EVI5L: variants seen among roughly 807,000 people sequenced by gnomAD.
EVI5L encodes ecotropic viral integration site 5 like.
In EVI5L, 30 loss-of-function variants were observed where a neutral mutation model predicts 106.1. The ratio of observed to expected loss-of-function variants is 0.28; its 90% confidence interval spans 0.21 to 0.38. The LOEUF is 0.38. Among genes scored for constraint, EVI5L ranks in the 10% least tolerant of loss-of-function variants. The pLI, the probability that EVI5L is intolerant of heterozygous loss-of-function variation, is 1.00. For missense variants in EVI5L, 809 were observed against 1,098.0 expected (o/e 0.74, Z 3.72); for synonymous variants, 489 against 483.3 (o/e 1.01, Z -0.15).
In EVI5L at chr19:7,847,793, T is replaced by C. The variant is rs1245003343; in HGVS notation, c.199T>C (p.Ser67Pro). 6.2e-7 allele frequency: 1 copy of C among 1,613,150 alleles called. No individual in the cohort carries two copies. The highest frequency in any genetic ancestry group is 8.5e-7 in the Non-Finnish European group (1 of 1,179,792). ...GAATGGCTCGCGGCGGAACAGTGGC[T>C]CCTCGCTAGTGTCCAGCTCCTCGGC... ...SMNGSRRNSG[S>P]SLVSSSSASS... is the part of the protein sequence containing the mutation. The change falls in exon 3 of 20, where the codon TCC (serine) becomes CCC (proline). Residue 67 changes from serine (S) to proline (P), a missense_variant. By Grantham distance (74) the Ser-to-Pro change is moderately conservative. This residue lies in a region of EVI5L where 357 missense variants were observed against 588.1 expected (regional missense o/e 0.61). Coordinates refer to ENST00000538904, the MANE Select transcript of EVI5L (RefSeq NM_001159944.3).
Position 7,858,449 on chromosome 19 carries a change from C to A in EVI5L, c.1374+118C>A. ...CGCCTCAGCACCTGGCCCTCCTGTTCCTTTCTGGGGTAAGGGGAACCCAGA... is the reference window on the plus strand; with the variant it reads ...CGCCTCAGCACCTGGCCCTCCTGTTACTTTCTGGGGTAAGGGGAACCCAGA... On this transcript the variant is annotated intron_variant, in intron 13 of 19. Coordinates refer to ENST00000538904, the MANE Select transcript of EVI5L (RefSeq NM_001159944.3). This position sits in a 1 kb window ranked among gnomAD's most constrained non-coding sequence, Gnocchi z 5.7. The A allele has an allele frequency of 7.5e-7, 1 of 1,328,110 alleles. No homozygotes were observed. The highest frequency in any genetic ancestry group is 1.0e-6 in the Non-Finnish European group (1 of 1,000,842). The allele number at this position is 1,328,110 out of a possible 1,614,324, so 82.3% of individuals were successfully genotyped here.
chr19:7,832,281 A>C (rs1313652359), intron 1 of EVI5L, among the ~76,000 whole-genome samples: 2 of 152,226 alleles, frequency 1.3e-5, no homozygotes, highest in African/African-American at 4.8e-5. Flanking sequence ...CACTGTGGCC[A>C]GGACTGCAGG....
chr19:7,850,019 G>C lies in EVI5L; in HGVS notation c.650G>C (p.Cys217Ser), dbSNP rs1408141755. The C allele has an allele frequency of 1.2e-6, 2 of 1,601,268 alleles. No individual in the cohort carries two copies. Among genetic ancestry groups the C allele is most frequent in the Non-Finnish European group, 1.7e-6 (2 of 1,174,180 alleles). Residue 217 changes from cysteine (C) to serine (S), a missense_variant, in exon 6 of 20, where the codon TGT (cysteine) becomes TCT (serine). Physicochemically the swap from Cys to Ser is moderately radical, Grantham distance 112. Transcript: ENST00000538904. This position sits in a 1 kb window ranked among gnomAD's most constrained non-coding sequence, Gnocchi z 5.4. Reference protein sequence around the residue: ...LMQMPEEEAFCVFVRLMQEYR... With the variant: ...LMQMPEEEAFSVFVRLMQEYR... ...TAGATGCCTGAGGAGGAGGCCTTCT[G>C]TGTGTTCGTGCGGCTGATGCAGGAG...
chr19:7,838,540 G>A (rs1978452008), intron 1 of EVI5L, among the ~76,000 whole-genome samples: 1 of 152,164 alleles, frequency 6.6e-6, no homozygotes, highest in African/African-American at 2.4e-5. Context: ...TGTTGACCTT[G>A]ATCACCTGCC....
intron 17 of EVI5L, 131 bp from the exon 18 acceptor site, chr19:7,862,829 TCCCGCCCCTGCC>T: frequency 1.5e-5 from 4 of 258,076 alleles, no homozygotes; most frequent in Non-Finnish European, 2.5e-5. Context: ...TTGCCCGCGG[TCCCGCCCCTGCC>T]CGCGGTCCTG....
chr19:7,845,444 G>A lies in EVI5L; in HGVS notation c.-47-1052G>A, dbSNP rs1238088044. ...GCAGAACCCAGGAGCCCTGGCTCCAGGATGGACAGTGATAGCCGATGTCCG... is the reference window on the plus strand; with the variant it reads ...GCAGAACCCAGGAGCCCTGGCTCCAAGATGGACAGTGATAGCCGATGTCCG... On this transcript the variant is annotated intron_variant, in intron 1 of 19. Coordinates refer to ENST00000538904, the MANE Select transcript of EVI5L (RefSeq NM_001159944.3). This position sits in a 1 kb window ranked among gnomAD's most constrained non-coding sequence, Gnocchi z 4.0. 1.3e-5 allele frequency among the ~76,000 whole-genome samples: 2 copies of A among 152,226 alleles called. No individual in the cohort carries two copies. The highest frequency in any genetic ancestry group is 1.9e-4 in the East Asian group (1 of 5,188).
rs758138265 is a variant in EVI5L, at chr19:7,863,547, G to C, written c.2263G>C (p.Val755Leu). Residue 755 changes from valine to leucine, a missense_variant, in exon 20 of 20, where the codon GTG (valine) becomes CTG (leucine). Around this residue, in one of 2 missense-constraint regions of EVI5L, gnomAD observed 452 missense variants for 509.9 expected, o/e 0.89. Coordinates refer to ENST00000538904, the MANE Select transcript of EVI5L (RefSeq NM_001159944.3). The surrounding 1 kb of genome is among the most constrained non-coding windows in gnomAD (Gnocchi z 7.7). ...SSDEELLGVG[V>L]GAALQDALYP... ...GGACGAGGAGCTACTTGGCGTAGGC[G>C]TGGGCGCTGCCCTGCAGGACGCATT... is the stretch of plus-strand genomic sequence containing the variant. 3 of 1,600,026 alleles carry C rather than the reference G, an allele frequency of 1.9e-6. No homozygotes were observed. In the East Asian group the frequency reaches 6.8e-5, roughly 36 times the overall value.
At chr19:7,849,910 C>G in intron 5 of EVI5L, 87 bp from the exon 6 acceptor site, 1 of 1,090,496 alleles carries the variant, frequency 9.2e-7, no homozygotes, top group Non-Finnish European at 1.3e-6. Flanking sequence ...TGGACATGGG[C>G]CCCTGTACCC....
chr19:7,849,043 C>A lies in EVI5L; in HGVS notation c.450C>A (p.Cys150Ter). 1 of 1,613,556 alleles carries A rather than the reference C, an allele frequency of 6.2e-7. No individual in the cohort carries two copies. The highest frequency in any genetic ancestry group is 8.5e-7 in the Non-Finnish European group (1 of 1,179,954). The change falls in exon 4 of 20, where the codon TGC (cysteine) becomes TGA (stop). Residue 150 changes from cysteine (C) to a stop codon, truncating the protein, a stop_gained. Transcript: ENST00000538904. LOFTEE classifies it high-confidence loss of function. ...YSELLKMSSP[C>*]EKLIRRDIAR... ...AGCTGCTCAAGATGTCCTCGCCGTG[C>A]GAGAAGCTGATCCGCAGGGACATCG... is the stretch of plus-strand genomic sequence containing the variant.
intron 13 of EVI5L, 26 bp from the exon 14 acceptor site, chr19:7,860,535 C>T (rs1425618668): frequency 6.4e-7 from 1 of 1,554,626 alleles, no homozygotes; most frequent in Admixed American, 1.9e-5. Flanking sequence ...GGCCTGGGGC[C>T]CCACGCAGCT....
intron 2 of EVI5L, among the ~76,000 whole-genome samples, chr19:7,847,450 G>A (rs1203813550): frequency 2.6e-5 from 4 of 152,020 alleles, no homozygotes. Context: ...AGCCAGGTGT[G>A]GTGGCATGCA....
chr19:7,831,779 A>G (rs985231979), intron 1 of EVI5L, among the ~76,000 whole-genome samples: 2 of 152,212 alleles, frequency 1.3e-5, no homozygotes, highest in African/African-American at 4.8e-5. Flanking sequence ...CATCACGCCT[A>G]CTGGCCTCAA....
In EVI5L at chr19:7,850,102, C is replaced by T; in HGVS notation, c.733C>T (p.Gln245Ter). 1 of 1,605,160 alleles carries T rather than the reference C, an allele frequency of 6.2e-7. No homozygotes were observed. Among genetic ancestry groups the T allele is most frequent in the Admixed American group, 1.7e-5 (1 of 58,648 alleles). ...SMAELGLCIY[Q>*]FEYMLQEQLP... is the part of the protein sequence containing the mutation. ...GGCCGAGCTCGGGCTCTGCATCTAT[C>T]AGTTCGAGTACATGCTGCAGGTGAG... The change falls in exon 6 of 20, where the codon CAG becomes TAG. Residue 245 changes from glutamine to a stop codon, truncating the protein, a stop_gained. Coordinates refer to ENST00000538904, the MANE Select transcript of EVI5L (RefSeq NM_001159944.3). LOFTEE classifies it high-confidence loss of function. The surrounding 1 kb of genome is among the most constrained non-coding windows in gnomAD (Gnocchi z 5.4).
chr19:7,863,600 C>T lies in EVI5L; in HGVS notation c.2316C>T (p.Arg772=). ...ALYPLSPRDA[R]FFRRLERPAK... ...ACCCTCTGTCCCCGCGCGATGCGCG[C>T]TTCTTCCGCCGTCTGGAGCGGCCGG... The change falls in exon 20 of 20, where the codon CGC becomes CGT. Residue 772 remains arginine (R), a synonymous_variant. Coordinates refer to ENST00000538904, the MANE Select transcript of EVI5L (RefSeq NM_001159944.3). The surrounding 1 kb of genome is among the most constrained non-coding windows in gnomAD (Gnocchi z 7.7). 6.3e-7 allele frequency: 1 copy of T among 1,577,832 alleles called. No individual in the cohort carries two copies. Among genetic ancestry groups the T allele is most frequent in the Non-Finnish European group, 8.6e-7 (1 of 1,162,734 alleles).
chr19:7,840,057 T>G (rs1476668670), intron 1 of EVI5L, among the ~76,000 whole-genome samples: 5 of 151,808 alleles, frequency 3.3e-5, no homozygotes, highest in African/African-American at 1.2e-4. Context: ...AGTGGGTGGG[T>G]GGAGGTGGCA....
At chr19:7,836,430 C>A (rs566479358) in intron 1 of EVI5L, among the ~76,000 whole-genome samples, 5 of 152,218 alleles carry the variant, frequency 3.3e-5, no homozygotes, top group African/African-American at 1.2e-4. Context: ...GTTTCACATA[C>A]GTGTATCATT....
rs894936293 is a variant in EVI5L at position 7,848,840 on chromosome 19, G to A, written c.328-81G>A. The A allele has an allele frequency of 8.7e-6, 12 of 1,384,436 alleles. No individual in the cohort carries two copies. The highest frequency in any genetic ancestry group is 5.6e-5 in the Admixed American group (3 of 53,152). 85.8% of individuals were successfully genotyped at this position (1,384,436 alleles called of 1,614,324 possible). A position where few individuals can be genotyped will look rare whatever the true frequency, so the allele number is the denominator to read the frequency against. On this transcript the variant is annotated intron_variant, in intron 3 of 19. Transcript: ENST00000538904. This position sits in a 1 kb window ranked among gnomAD's most constrained non-coding sequence, Gnocchi z 4.8. ...CATGCTTGAGGCCTGGATGAGCCAC[G>A]CCTGAGGAGCTGGGCTGGGTGGCCA...
In EVI5L at chr19:7,846,692, C is replaced by A. The variant is rs780112300; in HGVS notation, c.137+13C>A. The A allele has an allele frequency of 1.2e-6, 2 of 1,609,526 alleles. No individual in the cohort carries two copies. Among genetic ancestry groups the A allele is most frequent in the Admixed American group, 1.7e-5 (1 of 59,100 alleles). ...AAGAGCAGAACCGGTGAGTTGGGGG[C>A]TGGGGGATGGGGTGAAATCTTGGGG... On this transcript the variant is annotated intron_variant, in intron 2 of 19. Transcript: ENST00000538904.
intron 8 of EVI5L, chr19:7,852,717 A>ATT: frequency 6.4e-6 from 1 of 155,070 alleles, no homozygotes; most frequent in Non-Finnish European, 1.2e-5. Context: ...ATGTCCAGCT[A>ATT]ATTTTTTTTT....
Sources: allele counts gnomAD v4.1 joint callset (sites outside exome capture counted in the v4.1 genomes callset), GRCh38; gene constraint gnomAD v4.1.1; regional missense constraint gnomAD v4.1.1; non-coding constraint Gnocchi (gnomAD v3.1); transcripts MANE v1.5; gene names NCBI Gene and HGNC (gene_info 2026-07-23, HGNC 2026-07-21).